The following ATP8B4 variants were observed in gnomAD, a reference collection of about 807,000 sequenced individuals.
The protein encoded by ATP8B4 is probable phospholipid-transporting ATPase IM.
A neutral mutation model predicts 145.6 loss-of-function variants in ATP8B4; 133 were observed. The observed-to-expected ratio is 0.91, with a 90% CI of 0.79 to 1.05. The LOEUF (loss-of-function observed/expected upper bound fraction) is 1.05. Among genes scored for constraint, ATP8B4 ranks in the 50% least tolerant of loss-of-function variants. The probability of loss-of-function intolerance (pLI) is 0.00; values close to 1 mark genes in which losing one functional copy is unlikely to be tolerated. For missense variants in ATP8B4, 1,458 were observed against 1,425.2 expected (o/e 1.02, Z -0.37); for synonymous variants, 507 against 492.9 (o/e 1.03, Z -0.38).
At chr15:49,904,821 GA>G (rs2038423443) in intron 20 of ATP8B4, among the ~76,000 whole-genome samples, 1 of 152,178 alleles carries the variant, frequency 6.6e-6, no homozygotes, top group African/African-American at 2.4e-5. Flanking sequence ...GATTAAAGAA[GA>G]AATATCAATT....
chr15:50,138,416 TAGATAGAGAGATAGAC>T (rs575314907), intron 1 of ATP8B4, among the ~76,000 whole-genome samples: 4,488 of 141,446 alleles, frequency 0.032, 235 homozygotes, highest in African/African-American at 0.11. Flanking sequence ...AGATGATAGA[TAGATAGAGAGATAGAC>T]AGACAGATGA....
intron 6 of ATP8B4, among the ~76,000 whole-genome samples, chr15:50,032,629 A>T (rs1035638163): frequency 6.6e-6 from 1 of 152,224 alleles, no homozygotes; most frequent in Non-Finnish European, 1.5e-5. Context: ...AAAATTGAAA[A>T]CAAACATCCA....
intron 6 of ATP8B4, among the ~76,000 whole-genome samples, chr15:50,025,074 A>G (rs1009308848): frequency 6.6e-6 from 1 of 152,226 alleles, no homozygotes; most frequent in East Asian, 1.9e-4. Context: ...AATTCACTTT[A>G]GTGCATTTTG....
At chr15:50,002,024 T>C in intron 8 of ATP8B4, 129 bp downstream of exon 8, 1 of 711,030 alleles carries the variant, frequency 1.4e-6, no homozygotes, top group South Asian at 1.8e-5. Flanking sequence ...AGTAATTAAC[T>C]ATGGACTTTG....
At chr15:50,017,274 CGACT>C (rs2153577231) in intron 6 of ATP8B4, among the ~76,000 whole-genome samples, 1 of 152,222 alleles carries the variant, frequency 6.6e-6, no homozygotes, top group South Asian at 2.1e-4. Flanking sequence ...AGATAACCAC[CGACT>C]ATCTAACTAT....
At chr15:50,127,920 A>G (rs2057317996) in intron 1 of ATP8B4, among the ~76,000 whole-genome samples, 1 of 152,144 alleles carries the variant, frequency 6.6e-6, no homozygotes, top group African/African-American at 2.4e-5. Flanking sequence ...ATCCCCACCA[A>G]TGCTGAGCCA....
intron 3 of ATP8B4, among the ~76,000 whole-genome samples, chr15:50,051,565 G>A (rs2052189158): frequency 6.6e-6 from 1 of 152,174 alleles, no homozygotes; most frequent in African/African-American, 2.4e-5. Flanking sequence ...AACTACTCAA[G>A]AAGTTAACAC....
chr15:49,918,544 T>A (rs765936480), intron 19 of ATP8B4, among the ~76,000 whole-genome samples: 7 of 152,186 alleles, frequency 4.6e-5, no homozygotes, highest in Non-Finnish European at 7.3e-5. Context: ...TATAAACCAA[T>A]TGTTAAACAT....
chr15:49,870,828 G>A (rs919029659), intron 25 of ATP8B4, among the ~76,000 whole-genome samples: 3 of 152,230 alleles, frequency 2.0e-5, no homozygotes, highest in Non-Finnish European at 4.4e-5. Flanking sequence ...CAAAGAATTA[G>A]ACTGAAATGA....
intron 13 of ATP8B4, among the ~76,000 whole-genome samples, chr15:49,968,999 C>T (rs1226384501): frequency 6.6e-6 from 1 of 152,166 alleles, no homozygotes; most frequent in African/African-American, 2.4e-5. Flanking sequence ...TACATGGAAA[C>T]TGAACAACTT....
At chr15:50,030,689 C>A (rs1227381586) in intron 6 of ATP8B4, among the ~76,000 whole-genome samples, 1 of 152,088 alleles carries the variant, frequency 6.6e-6, no homozygotes, top group African/African-American at 2.4e-5. Context: ...TGAGAGGGCT[C>A]TTTGAAGGAG....
chr15:49,984,803 G>A (rs2046447581), intron 10 of ATP8B4, among the ~76,000 whole-genome samples: 1 of 152,056 alleles, frequency 6.6e-6, no homozygotes, highest in South Asian at 2.1e-4. Flanking sequence ...AATCTGGAGA[G>A]CAAACAGAAG....
chr15:49,973,720 CAA>C (rs1471492878), intron 12 of ATP8B4, among the ~76,000 whole-genome samples: 3 of 152,148 alleles, frequency 2.0e-5, no homozygotes, highest in Non-Finnish European at 4.4e-5. Context: ...ATTTTTATGG[CAA>C]AGTGTATGAA....
At chr15:49,928,793 A>G (rs900511888) in intron 16 of ATP8B4, among the ~76,000 whole-genome samples, 1 of 152,064 alleles carries the variant, frequency 6.6e-6, no homozygotes, top group Admixed American at 6.6e-5. Context: ...CTGAGGAGAG[A>G]CTTACAAACA....
At chr15:49,953,819 G>C (rs1322869003) in intron 14 of ATP8B4, among the ~76,000 whole-genome samples, 1 of 152,202 alleles carries the variant, frequency 6.6e-6, no homozygotes, top group Admixed American at 6.5e-5. Flanking sequence ...TGGTGGGTTT[G>C]CAAGTGGGAT....
At chr15:50,023,779 C>CAAAAAAAAAAAAAAAAGAAAAAAAAAA (rs2049778895) in intron 6 of ATP8B4, among the ~76,000 whole-genome samples, 7 of 75,050 alleles carry the variant, frequency 9.3e-5, no homozygotes, top group East Asian at 3.8e-4. Flanking sequence ...AGACCAAAGG[C>CAAAAAAAAAAAAAAAAGAAAAAAAAAA]AAAAAAAAAA....
intron 21 of ATP8B4, among the ~76,000 whole-genome samples, chr15:49,899,747 T>C (rs1313580632): frequency 6.6e-6 from 1 of 151,422 alleles, no homozygotes; most frequent in East Asian, 1.9e-4. Flanking sequence ...CAAATTAGAA[T>C]CATGATTAAA....
chr15:49,863,522 C>A (rs975890670), intron 26 of ATP8B4, among the ~76,000 whole-genome samples: 1 of 152,174 alleles, frequency 6.6e-6, no homozygotes, highest in Non-Finnish European at 1.5e-5. Flanking sequence ...ATCATACCCC[C>A]AGTTATCCAG....
chr15:49,914,297 C>T (rs1599101287), intron 20 of ATP8B4, among the ~76,000 whole-genome samples: 1 of 152,034 alleles, frequency 6.6e-6, no homozygotes, highest in African/African-American at 2.4e-5. Context: ...AAACTGGACC[C>T]CTAACTCTCA....
Sources: allele counts gnomAD v4.1 joint callset (sites outside exome capture counted in the v4.1 genomes callset), GRCh38; gene constraint gnomAD v4.1.1; transcripts MANE v1.5; gene names NCBI Gene and HGNC (gene_info 2026-07-23, HGNC 2026-07-21).